PHTF1: variants seen among roughly 807,000 people sequenced by gnomAD.
The protein encoded by PHTF1 is protein PHTF1.
PHTF1 carries 88 observed loss-of-function variants against 102.4 expected under a neutral mutation model. The observed-to-expected ratio is 0.86, with a 90% CI of 0.72 to 1.03. The LOEUF (loss-of-function observed/expected upper bound fraction) is 1.03, where lower values mean the gene tolerates loss of function less well. Ranked by LOEUF, PHTF1 falls within the 50% of genes least tolerant of loss-of-function variation. PHTF1 has a pLI of 0.00. For synonymous variants in PHTF1, 289 were observed against 305.2 expected (o/e 0.95, Z 0.55); for missense variants, 814 against 909.5 (o/e 0.89, Z 1.35).
At chr1:113,710,791 G>GAT (rs370631673) in intron 10 of PHTF1, among the ~76,000 whole-genome samples, 13,984 of 104,568 alleles carry the variant, frequency 0.13, 1,358 homozygotes, top group East Asian at 0.17. Context: ...ATCACACCCG[G>GAT]ATATATATAT....
chr1:113,727,923 A>G (rs567560730), intron 5 of PHTF1, among the ~76,000 whole-genome samples: 2 of 152,304 alleles, frequency 1.3e-5, no homozygotes, highest in East Asian at 3.9e-4. Context: ...TAGTGAGCCA[A>G]GATCACACCA....
At chr1:113,752,121 T>C (rs975705398) in intron 3 of PHTF1, among the ~76,000 whole-genome samples, 1 of 152,212 alleles carries the variant, frequency 6.6e-6, no homozygotes, top group Non-Finnish European at 1.5e-5. Flanking sequence ...TTTAACAATA[T>C]TGAATCTTCC....
chr1:113,757,899 A>C, intron 2 of PHTF1, 144 bp from the exon 3 acceptor site: 1 of 620,746 alleles, frequency 1.6e-6, no homozygotes, highest in Non-Finnish European at 2.9e-6. Context: ...ATAAATCAAT[A>C]CTTCGAAGGA....
chr1:113,743,582 C>T (rs1339916977), intron 3 of PHTF1, among the ~76,000 whole-genome samples: 3 of 151,922 alleles, frequency 2.0e-5, no homozygotes, highest in Non-Finnish European at 4.4e-5. Context: ...TGTTAGATAC[C>T]GTACATAACT....
chr1:113,755,485 C>T (rs1658712852), intron 3 of PHTF1, among the ~76,000 whole-genome samples: 1 of 152,080 alleles, frequency 6.6e-6, no homozygotes, highest in South Asian at 2.1e-4. Context: ...AGTTATTTTA[C>T]ATTTCATTCT....
intron 5 of PHTF1, among the ~76,000 whole-genome samples, chr1:113,732,287 G>A (rs1350230909): frequency 6.6e-6 from 1 of 152,198 alleles, no homozygotes; most frequent in Non-Finnish European, 1.5e-5. Flanking sequence ...CACGAGGTCA[G>A]GAGTTCAAGA....
At chr1:113,735,358 T>A (rs1248540456) in intron 5 of PHTF1, among the ~76,000 whole-genome samples, 43 of 91,822 alleles carry the variant, frequency 4.7e-4, no homozygotes, top group Non-Finnish European at 1.4e-4. Context: ...AGAATGAGAC[T>A]CTGTCTCAAA....
chr1:113,698,751 A>ACGGCG, intron 17 of PHTF1: 1 of 209,848 alleles, frequency 4.8e-6, no homozygotes, highest in Non-Finnish European at 9.3e-6. Flanking sequence ...ATTAACCCAA[A>ACGGCG]ACCATCAGGT....
chr1:113,725,413 T>A (rs1443576574), intron 6 of PHTF1: 2 of 152,212 alleles, frequency 1.3e-5, no homozygotes, highest in East Asian at 1.9e-4. Flanking sequence ...AAATCTTTTT[T>A]AAAAAGTTTT....
chr1:113,703,523 G>T (rs546739948), intron 15 of PHTF1, among the ~76,000 whole-genome samples: 1 of 151,742 alleles, frequency 6.6e-6, no homozygotes, highest in South Asian at 2.1e-4. Context: ...TTTTTTTGTT[G>T]TTTTTTTCTT....
chr1:113,700,064 C>G (rs1649275995), intron 16 of PHTF1: 17 of 1,116,020 alleles, frequency 1.5e-5, no homozygotes, highest in Non-Finnish European at 1.9e-5. Flanking sequence ...ATATTACTTG[C>G]AACATAACAT....
At chr1:113,706,851 CTTTTTTTTTTTTTT>C (rs11363653) in intron 11 of PHTF1, 129 bp from the exon 12 acceptor site, 3 of 217,654 alleles carry the variant, frequency 1.4e-5, no homozygotes, top group Non-Finnish European at 2.4e-5. Context: ...TTCTTTCTTT[CTTTTTTTTTTTTTT>C]TTTTTTTTTT....
intron 7 of PHTF1, 88 bp downstream of exon 7, chr1:113,724,671 G>T: frequency 1.0e-6 from 1 of 998,320 alleles, no homozygotes. Context: ...ACCAAGATAA[G>T]TCTATACTAC....
chr1:113,736,546 A>G (rs964264294), intron 5 of PHTF1, among the ~76,000 whole-genome samples: 4 of 151,746 alleles, frequency 2.6e-5, no homozygotes, highest in Non-Finnish European at 5.9e-5. Context: ...GGAGTTCGAG[A>G]CCAGCCTAGA....
At chr1:113,706,467 T>C (rs1650194890) in intron 12 of PHTF1, 127 bp downstream of exon 12, 5 of 562,704 alleles carry the variant, frequency 8.9e-6, no homozygotes, top group South Asian at 5.0e-5. Flanking sequence ...TGTTATTATA[T>C]ATAATATGAT....
chr1:113,705,445 A>G (rs1649979978), intron 13 of PHTF1, among the ~76,000 whole-genome samples: 1 of 152,168 alleles, frequency 6.6e-6, no homozygotes, highest in African/African-American at 2.4e-5. Context: ...GGTCTCAAAA[A>G]ATAAAATAAA....
chr1:113,757,723 CT>C lies in PHTF1; in HGVS notation c.77del (p.Lys26SerfsTer11). On this transcript the variant is annotated frameshift_variant, in exon 3 of 19. Transcript: ENST00000369604. LOFTEE classifies it high-confidence loss of function. ...CCTTAATCTGAGTCTGTTCGATTGA[CT>C]TTTCCCATATCTGCTGATCGTAGGC... Reference protein sequence around the residue: ...IGAYDQQIWEKSIEQTQIKGL... With the variant: ...IGAYDQQIWEXSIEQTQIKGL... 1.2e-6 allele frequency: 2 copies of C among 1,609,182 alleles called. No individual in the cohort carries two copies. The highest frequency in any genetic ancestry group is 1.7e-6 in the Non-Finnish European group (2 of 1,175,498).
intron 13 of PHTF1, among the ~76,000 whole-genome samples, 180 bp from the exon 14 acceptor site, chr1:113,704,977 C>G (rs1388608281): frequency 1.3e-5 from 2 of 152,186 alleles, no homozygotes; most frequent in Non-Finnish European, 2.9e-5. Context: ...GTTTCCAAAG[C>G]ACATTACATA....
At chr1:113,743,127 C>T (rs1656680074) in intron 3 of PHTF1, among the ~76,000 whole-genome samples, 1 of 152,168 alleles carries the variant, frequency 6.6e-6, no homozygotes, top group Admixed American at 6.5e-5. Flanking sequence ...TCTATGATAA[C>T]TTAACCTTAG....
Sources: allele counts gnomAD v4.1 joint callset (sites outside exome capture counted in the v4.1 genomes callset), GRCh38; gene constraint gnomAD v4.1.1; transcripts MANE v1.5; gene names NCBI Gene and HGNC (gene_info 2026-07-23, HGNC 2026-07-21).